The following RAB11FIP4 variants were observed in gnomAD, a reference collection of about 807,000 sequenced individuals.
RAB11FIP4 encodes rab11 family-interacting protein 4.
RAB11FIP4 carries 23 observed loss-of-function variants against 74.3 expected under a neutral mutation model. The ratio of observed to expected loss-of-function variants is 0.31; its 90% confidence interval spans 0.22 to 0.44. RAB11FIP4 has a LOEUF of 0.44. Ranked by LOEUF, RAB11FIP4 falls within the 20% of genes least tolerant of loss-of-function variation. RAB11FIP4 has a pLI of 1.00. For missense variants in RAB11FIP4, 630 were observed against 863.9 expected (o/e 0.73, Z 3.39); for synonymous variants, 360 against 359.9 (o/e 1.00, Z 0.00).
At chr17:31,463,199 A>G (rs572003432) in intron 3 of RAB11FIP4, among the ~76,000 whole-genome samples, 394 of 152,284 alleles carry the variant, frequency 2.6e-3, no homozygotes, top group African/African-American at 8.6e-3. Flanking sequence ...AATGGAGAAC[A>G]CGAGACTCCA....
intron 3 of RAB11FIP4, among the ~76,000 whole-genome samples, chr17:31,505,674 A>AATT (rs1283198411): frequency 4.6e-4 from 36 of 79,026 alleles, no homozygotes; most frequent in African/African-American, 1.4e-3. Context: ...TATAATACAT[A>AATT]ATTATTATAA....
chr17:31,408,643 G>C (rs1342551894), intron 1 of RAB11FIP4, among the ~76,000 whole-genome samples: 1 of 152,190 alleles, frequency 6.6e-6, no homozygotes, highest in African/African-American at 2.4e-5. Flanking sequence ...AAAAGTCATT[G>C]TTTTGTGTCT....
At chr17:31,440,974 A>G (rs1056739505) in intron 3 of RAB11FIP4, among the ~76,000 whole-genome samples, 5 of 152,036 alleles carry the variant, frequency 3.3e-5, no homozygotes, top group African/African-American at 1.2e-4. Flanking sequence ...CTTTTCATTT[A>G]TTCTGGCCTT....
chr17:31,478,611 A>AT (rs1327071438), intron 3 of RAB11FIP4, among the ~76,000 whole-genome samples: 13 of 152,210 alleles, frequency 8.5e-5, no homozygotes, highest in African/African-American at 3.1e-4. Flanking sequence ...TGAAGACAAC[A>AT]AATACTGCTT....
intron 3 of RAB11FIP4, among the ~76,000 whole-genome samples, chr17:31,491,271 G>A (rs1038049563): frequency 2.0e-5 from 3 of 152,184 alleles, no homozygotes; most frequent in African/African-American, 7.2e-5. Flanking sequence ...CCCAGTACAG[G>A]GCAAGTGGTA....
intron 3 of RAB11FIP4, among the ~76,000 whole-genome samples, chr17:31,485,791 A>G (rs1475849669): frequency 2.0e-5 from 3 of 152,218 alleles, no homozygotes; most frequent in South Asian, 2.1e-4. Context: ...TACCATTCCC[A>G]TCTTACAGAT....
rs369091660 is a variant in RAB11FIP4, at chr17:31,447,021, T to A, written c.336+12899T>A. ...AAAAGACAGGCGGGTGCCGTGGCTC[T>A]CGCCTGTAATCCCAGTACTTTGGGA... On this transcript the variant is annotated intron_variant, in intron 3 of 14. Transcript: ENST00000621161. 3.2e-3 allele frequency among the ~76,000 whole-genome samples: 482 copies of A among 152,128 alleles called. 2 individuals are homozygous for A. The highest frequency in any genetic ancestry group is 0.014 in the Middle Eastern group (4 of 294).
chr17:31,525,378 T>C lies in RAB11FIP4; in HGVS notation c.1274+148T>C, dbSNP rs2072747677. Reference sequence around the variant, plus strand: ...CTTTCCAGTAGTAACAGTTCCACTTTAATACCACGAGAAACACAGAGGCAT... The same window carrying C: ...CTTTCCAGTAGTAACAGTTCCACTTCAATACCACGAGAAACACAGAGGCAT... On this transcript the variant is annotated intron_variant, in intron 10 of 14. Coordinates refer to ENST00000621161, the MANE Select transcript of RAB11FIP4 (RefSeq NM_032932.6). 3 of 733,076 alleles carry C rather than the reference T, an allele frequency of 4.1e-6. No homozygotes were observed. In the South Asian group the frequency reaches 5.7e-5, roughly 14 times the overall value. 45.4% of individuals were successfully genotyped at this position (733,076 alleles called of 1,614,324 possible).
Position 31,528,794 on chromosome 17 carries a change from T to A in RAB11FIP4, c.1653+16T>A, listed in dbSNP as rs372081547. On this transcript the variant is annotated intron_variant, in intron 13 of 14. Transcript: ENST00000621161. ...GCTCAAGCAGGTGGGTCTAGCAGTC[T>A]CTGTGTCCAGTGGGGCAGGGTGGCC... 19 of 1,599,040 alleles carry A rather than the reference T, an allele frequency of 1.2e-5. No homozygotes were observed. The highest frequency in any genetic ancestry group is 1.5e-5 in the Non-Finnish European group (17 of 1,171,856).
At chr17:31,492,401 C>T (rs1215775826) in intron 3 of RAB11FIP4, among the ~76,000 whole-genome samples, 1 of 152,180 alleles carries the variant, frequency 6.6e-6, no homozygotes. Flanking sequence ...TCATCCACCC[C>T]CCTGCTATGG....
chr17:31,525,081 T>C lies in RAB11FIP4; in HGVS notation c.1134-9T>C, dbSNP rs1460652280. 2 of 1,550,282 alleles carry C rather than the reference T, an allele frequency of 1.3e-6. No individual in the cohort carries two copies. Among genetic ancestry groups the C allele is most frequent in the South Asian group, 2.4e-5 (2 of 84,016 alleles). ...GGCCCCAAGAGCTTGCCCATTGCGC[T>C]GTCCTCAGGGTGCATGAGCTGGAGG... On this transcript the variant is annotated splice_polypyrimidine_tract_variant and intron_variant, in intron 9 of 14. Transcript: ENST00000621161.
In RAB11FIP4 at chr17:31,523,955, G is replaced by T. The variant is rs760336944; in HGVS notation, c.1092G>T (p.Leu364=). ...ATGACAGCCTGACCAATGGGGACCTGAAGAGCAAGCTGAAGCAAGAGAACA... is the reference window on the plus strand; with the variant it reads ...ATGACAGCCTGACCAATGGGGACCTTAAGAGCAAGCTGAAGCAAGAGAACA... ...LENDSLTNGD[L]KSKLKQENTQ... The change falls in exon 9 of 15, where the codon CTG becomes CTT. Residue 364 remains leucine (L), a synonymous_variant. Coordinates refer to ENST00000621161, the MANE Select transcript of RAB11FIP4 (RefSeq NM_032932.6). 3 of 1,612,694 alleles carry T rather than the reference G, an allele frequency of 1.9e-6. No homozygotes were observed. The highest frequency in any genetic ancestry group is 2.5e-6 in the Non-Finnish European group (3 of 1,179,614).
intron 14 of RAB11FIP4, 104 bp from the exon 15 acceptor site, chr17:31,531,512 C>A: frequency 1.3e-6 from 1 of 746,934 alleles, no homozygotes; most frequent in Non-Finnish European, 2.3e-6. Flanking sequence ...TCTCCTGATG[C>A]CCTCTATTGT....
At chr17:31,431,697 G>A (rs1233204330) in intron 1 of RAB11FIP4, 116 bp from the exon 2 acceptor site, 2 of 774,488 alleles carry the variant, frequency 2.6e-6, no homozygotes, top group Non-Finnish European at 4.5e-6. Context: ...GTGAGGGTAA[G>A]AGGACTGGGC....
intron 3 of RAB11FIP4, among the ~76,000 whole-genome samples, chr17:31,480,369 G>A (rs941961112): frequency 6.6e-6 from 1 of 152,108 alleles, no homozygotes; most frequent in African/African-American, 2.4e-5. Context: ...CAGCAGGTAG[G>A]ACATTGAGCA....
intron 3 of RAB11FIP4, among the ~76,000 whole-genome samples, chr17:31,474,865 CAAAACAAAACAA>C (rs1318392768): frequency 5.5e-5 from 6 of 109,476 alleles, no homozygotes; most frequent in African/African-American, 1.9e-4. Context: ...CAAAACAAAA[CAAAACAAAACAA>C]AAAACAAAAA....
intron 3 of RAB11FIP4, among the ~76,000 whole-genome samples, chr17:31,445,578 A>ATATATAT (rs1555544413): frequency 6.1e-5 from 1 of 16,296 alleles, no homozygotes; most frequent in Non-Finnish European, 1.1e-4. Context: ...ATATATATAT[A>ATATATAT]TTTTTTTTTT....
intron 3 of RAB11FIP4, among the ~76,000 whole-genome samples, chr17:31,463,556 G>T (rs2142719546): frequency 6.6e-6 from 1 of 152,190 alleles, no homozygotes; most frequent in South Asian, 2.1e-4. Flanking sequence ...GCCAGCATGT[G>T]CCTTTCTCTT....
intron 3 of RAB11FIP4, among the ~76,000 whole-genome samples, chr17:31,473,393 A>T (rs1397360579): frequency 6.8e-6 from 1 of 146,522 alleles, no homozygotes; most frequent in African/African-American, 2.6e-5. Context: ...AAAAAAAAAA[A>T]TTAGCTGGGC....
Sources: gnomAD v4.1 joint callset for allele counts (sites outside exome capture counted in the v4.1 genomes callset) on GRCh38, gnomAD v4.1.1 for gene constraint, MANE v1.5 for transcripts, NCBI Gene and HGNC (gene_info 2026-07-23, HGNC 2026-07-21) for gene names.